Variants in MAP6 observed in about 807,000 individuals in gnomAD.
MAP6 encodes the protein microtubule-associated protein 6.
A neutral mutation model predicts 42.4 loss-of-function variants in MAP6; 26 were observed. That is an observed-to-expected ratio of 0.61 (90% CI 0.45 to 0.85). MAP6 has a LOEUF of 0.85. Among genes scored for constraint, MAP6 ranks in the 40% least tolerant of loss-of-function variants. The pLI, the probability that MAP6 is intolerant of heterozygous loss-of-function variation, is 0.00. For missense variants in MAP6, 966 were observed against 1,099.0 expected, an observed-to-expected ratio of 0.88 and a Z score of 1.71; for synonymous variants, 418 against 443.8, an observed-to-expected ratio of 0.94 and a Z score of 0.73.
At chr11:75,612,436 A>G (rs1942914550) in intron 1 of MAP6, among the ~76,000 whole-genome samples, 1 of 152,226 alleles carries the variant, frequency 6.6e-6, no homozygotes, top group Non-Finnish European at 1.5e-5. Flanking sequence ...CAAGAGGGAA[A>G]GGAATGCTTA....
chr11:75,644,307 A>T lies in MAP6; in HGVS notation c.905+23158T>A, dbSNP rs74975764. Among the ~76,000 whole-genome samples, 600 of 152,300 alleles carry T rather than the reference A, an allele frequency of 3.9e-3. 3 individuals carry two copies. The highest frequency in any genetic ancestry group is 0.014 in the African/African-American group (580 of 41,572). ...TTAGCTGTGTGATACTGGGTAAGGT[A>T]TTCAACCTCTCTGAATCTATCTATC... On this transcript the variant is annotated intron_variant, in intron 1 of 3. Transcript: ENST00000304771.
intron 1 of MAP6, among the ~76,000 whole-genome samples, chr11:75,646,107 G>A (rs1192864537): frequency 6.6e-6 from 1 of 151,924 alleles, no homozygotes; most frequent in African/African-American, 2.4e-5. Flanking sequence ...ATAGTGAACT[G>A]CAAAACAGCA....
At chr11:75,628,175 T>C (rs946703170) in intron 1 of MAP6, among the ~76,000 whole-genome samples, 2 of 152,156 alleles carry the variant, frequency 1.3e-5, no homozygotes, top group African/African-American at 4.8e-5. Flanking sequence ...GAGCAAAGAA[T>C]GCACGGTGCT....
At chr11:75,637,988 C>T (rs1943399796) in intron 1 of MAP6, among the ~76,000 whole-genome samples, 1 of 152,116 alleles carries the variant, frequency 6.6e-6, no homozygotes, top group Non-Finnish European at 1.5e-5. Flanking sequence ...GGGTGAAAAA[C>T]TGAAAACAAG....
chr11:75,607,549 C>T (rs1436427879), intron 2 of MAP6: 18 of 985,304 alleles, frequency 1.8e-5, no homozygotes, highest in Non-Finnish European at 2.2e-5. Context: ...ATGCTGGGAA[C>T]ATATATTATA....
At chr11:75,659,445 G>A (rs1216412923) in intron 1 of MAP6, among the ~76,000 whole-genome samples, 1 of 152,186 alleles carries the variant, frequency 6.6e-6, no homozygotes, top group African/African-American at 2.4e-5. Flanking sequence ...TGGTGCCACT[G>A]TACTCCAGCC....
At chr11:75,664,684 T>C (rs767848313) in intron 1 of MAP6, among the ~76,000 whole-genome samples, 5 of 152,232 alleles carry the variant, frequency 3.3e-5, no homozygotes, top group African/African-American at 4.8e-5. Flanking sequence ...ACATGGTACT[T>C]ACTTAAATTC....
chr11:75,646,772 C>G (rs61895135), intron 1 of MAP6, among the ~76,000 whole-genome samples: 1 of 151,836 alleles, frequency 6.6e-6, no homozygotes, highest in Admixed American at 6.6e-5. Flanking sequence ...TGCACTCCAG[C>G]GTGCGCAACA....
chr11:75,625,440 A>G (rs769489273), intron 1 of MAP6, among the ~76,000 whole-genome samples: 1 of 152,194 alleles, frequency 6.6e-6, no homozygotes, highest in Non-Finnish European at 1.5e-5. Flanking sequence ...GGGAGAGAAG[A>G]GAAGAGGATG....
chr11:75,607,267 A>G (rs1942797435), intron 2 of MAP6: 1 of 985,480 alleles, frequency 1.0e-6, no homozygotes, highest in African/African-American at 1.7e-5. Context: ...GCAAGACTTT[A>G]GGACAAAAGC....
At chr11:75,659,625 G>T (rs752884269) in intron 1 of MAP6, among the ~76,000 whole-genome samples, 1 of 152,150 alleles carries the variant, frequency 6.6e-6, no homozygotes, top group Non-Finnish European at 1.5e-5. Flanking sequence ...ATTTCTCATG[G>T]TGAAACTAGA....
intron 1 of MAP6, among the ~76,000 whole-genome samples, chr11:75,639,122 A>G (rs73488462): frequency 0.017 from 2,569 of 152,322 alleles, 75 homozygotes; most frequent in African/African-American, 0.059. Context: ...AGAGAGTGGA[A>G]TAACAACTTT....
chr11:75,628,614 A>G (rs781332091), intron 1 of MAP6, among the ~76,000 whole-genome samples: 4 of 152,200 alleles, frequency 2.6e-5, no homozygotes, highest in Non-Finnish European at 5.9e-5. Flanking sequence ...CTTTAAATAG[A>G]CTGACTACTT....
chr11:75,667,421 G>C lies in MAP6; in HGVS notation c.905+44C>G. 1 of 1,416,828 alleles carries C rather than the reference G, an allele frequency of 7.1e-7. No homozygotes were observed. Among genetic ancestry groups the C allele is most frequent in the South Asian group, 1.5e-5 (1 of 68,426 alleles). The allele number at this position is 1,416,828 out of a possible 1,614,324, so 87.8% of individuals were successfully genotyped here. On this transcript the variant is annotated intron_variant, in intron 1 of 3. Transcript: ENST00000304771. The surrounding 1 kb of genome is among the most constrained non-coding windows in gnomAD (Gnocchi z 5.6). ...GGGCCCCGGGCAGCCCGCGGGGAGG[G>C]TCTGCGTGGTGACTCCCCCGCGCTA...
At position 75,608,168 on chromosome 11, in the gene MAP6, C is replaced by A. The variant is rs763027960; in HGVS notation, c.1060G>T (p.Val354Phe). 4 of 1,614,090 alleles carry A rather than the reference C, an allele frequency of 2.5e-6. No homozygotes were observed. Among genetic ancestry groups the A allele is most frequent in the Non-Finnish European group, 3.4e-6 (4 of 1,180,050 alleles). The change falls in exon 2 of 4, where the codon GTC (valine) becomes TTC (phenylalanine). Residue 354 changes from valine to phenylalanine, a missense_variant. Val to Phe is a conservative substitution (Grantham distance 50, BLOSUM62 -1). Around this residue, in one of 2 missense-constraint regions of MAP6, gnomAD observed 943 missense variants for 1,049.9 expected, o/e 0.90. Coordinates refer to ENST00000304771, the MANE Select transcript of MAP6 (RefSeq NM_033063.2). Reference protein sequence around the residue: ...ASKPTTADNKVIDRRRIRSLY... With the variant: ...ASKPTTADNKFIDRRRIRSLY... ...CTGCGTATTCTTCTGCGATCAATGA[C>A]CTTATTGTCAGCTGTTGTTGGCTTG...
intron 1 of MAP6, among the ~76,000 whole-genome samples, chr11:75,652,374 C>G (rs1245611197): frequency 2.0e-5 from 3 of 152,124 alleles, no homozygotes; most frequent in African/African-American, 7.2e-5. Context: ...CTCTCCATGC[C>G]CCAGCTGTCC....
intron 1 of MAP6, among the ~76,000 whole-genome samples, chr11:75,608,560 C>T (rs1942825297): frequency 6.6e-6 from 1 of 152,172 alleles, no homozygotes. Context: ...AGATCAGGTT[C>T]CCAGCTCCAC....
intron 1 of MAP6, among the ~76,000 whole-genome samples, chr11:75,632,841 C>T (rs561035265): frequency 6.6e-6 from 1 of 152,110 alleles, no homozygotes; most frequent in South Asian, 2.1e-4. Flanking sequence ...TAATTTAATT[C>T]AATATGTTAA....
chr11:75,651,291 G>A (rs2135677857), intron 1 of MAP6, among the ~76,000 whole-genome samples: 1 of 152,266 alleles, frequency 6.6e-6, no homozygotes, highest in African/African-American at 2.4e-5. Flanking sequence ...ACTATGCTGT[G>A]CTAAAAGGCT....
Sources: gnomAD v4.1 joint callset for allele counts (sites outside exome capture counted in the v4.1 genomes callset) on GRCh38, gnomAD v4.1.1 for gene constraint, gnomAD v4.1.1 regional missense constraint, Gnocchi (gnomAD v3.1) non-coding constraint, MANE v1.5 for transcripts, NCBI Gene and HGNC (gene_info 2026-07-23, HGNC 2026-07-21) for gene names.